Variants in EIF5A2 observed in about 807,000 individuals in gnomAD.
EIF5A2 encodes eukaryotic translation initiation factor 5A2.
A neutral mutation model predicts 16.4 loss-of-function variants in EIF5A2; 15 were observed. That is an observed-to-expected ratio of 0.92 (90% confidence interval 0.61 to 1.41). The LOEUF (loss-of-function observed/expected upper bound fraction) is 1.41. EIF5A2 is among the 40% of genes most tolerant of loss of function. The pLI, the probability that EIF5A2 is intolerant of heterozygous loss-of-function variation, is 0.00. For synonymous variants in EIF5A2, 48 were observed against 61.1 expected, an observed-to-expected ratio of 0.79 and a Z score of 1.00; for missense variants, 144 against 189.5, an observed-to-expected ratio of 0.76 and a Z score of 1.41.
chr3:170,893,821 T>A (rs546399253), intron 4 of EIF5A2, among the ~76,000 whole-genome samples: 2 of 152,264 alleles, frequency 1.3e-5, no homozygotes, highest in Admixed American at 6.5e-5. Flanking sequence ...TCACCTGAGG[T>A]CAGGAGTTCA....
chr3:170,906,352 T>C (rs368208171), intron 3 of EIF5A2, among the ~76,000 whole-genome samples: 10 of 152,156 alleles, frequency 6.6e-5, no homozygotes, highest in Admixed American at 6.5e-5. Context: ...CCTACCCAAA[T>C]GTATAACTGG....
Position 170,907,747 on chromosome 3 carries a change from C to CA in EIF5A2, c.59dup (p.Met20IlefsTer43). 1.9e-6 allele frequency: 3 copies of CA among 1,601,482 alleles called. No homozygotes were observed. Among genetic ancestry groups the CA allele is most frequent in the Non-Finnish European group, 2.6e-6 (3 of 1,170,172 alleles). ...CGTTTTTGCGCAAGGCCGAGCACTG[C>CA]ATAGGGTAAGTGCTGGAAGCCCCGG... On this transcript the variant is annotated frameshift_variant, in exon 2 of 5. Coordinates refer to ENST00000295822, the MANE Select transcript of EIF5A2 (RefSeq NM_020390.6). LOFTEE classifies it high-confidence loss of function.
In EIF5A2 at chr3:170,907,707, T is replaced by C. The variant is rs1397617500; in HGVS notation, c.100A>G (p.Lys34Glu). 3 of 1,611,478 alleles carry C rather than the reference T, an allele frequency of 1.9e-6. No homozygotes were observed. Among genetic ancestry groups the C allele is most frequent in the Non-Finnish European group, 2.5e-6 (3 of 1,177,868 alleles). The stretch of plus-strand genomic sequence containing the variant: ...TCCACTATTTTGCATGGTCGTCCTT[T>C]GAGCACCACGAAGCCGTTTTTGCGC... ...ALRKNGFVVL[K>E]GRPCKIVEMS... The change falls in exon 2 of 5, where the codon AAA becomes GAA. Residue 34 changes from lysine to glutamate, a missense_variant. Transcript: ENST00000295822.
At position 170,906,992 on chromosome 3, in the gene EIF5A2, A is replaced by G; in HGVS notation, c.267T>C (p.Tyr89=). ...MDVPNIKRND[Y]QLICIQDGYL... Reference sequence around the variant, plus strand: ...TCTAAAGAAAATCAGTGCTTACTTGATAATCATTTCTCTTAATATTTGGAA... The same window carrying G: ...TCTAAAGAAAATCAGTGCTTACTTGGTAATCATTTCTCTTAATATTTGGAA... Residue 89 remains tyrosine, a synonymous_variant, in exon 3 of 5, where the codon TAT becomes TAC. Coordinates refer to ENST00000295822, the MANE Select transcript of EIF5A2 (RefSeq NM_020390.6). 6.3e-7 allele frequency: 1 copy of G among 1,589,370 alleles called. No individual in the cohort carries two copies. The highest frequency in any genetic ancestry group is 8.6e-7 in the Non-Finnish European group (1 of 1,161,114).
chr3:170,905,277 C>T (rs568111933), intron 3 of EIF5A2, among the ~76,000 whole-genome samples: 12 of 152,226 alleles, frequency 7.9e-5, no homozygotes, highest in Admixed American at 7.8e-4. Context: ...AATTTTGTGC[C>T]TGAGGCAAGA....
chr3:170,907,405 T>C (rs779614680), intron 2 of EIF5A2, among the ~76,000 whole-genome samples: 3 of 152,186 alleles, frequency 2.0e-5, no homozygotes, highest in Non-Finnish European at 4.4e-5. Flanking sequence ...ATAGATCTTA[T>C]AGGTCACTAG....
intron 3 of EIF5A2, among the ~76,000 whole-genome samples, chr3:170,896,428 CAT>C (rs1206938168): frequency 6.6e-6 from 1 of 152,176 alleles, no homozygotes; most frequent in Non-Finnish European, 1.5e-5. Context: ...GTAATCCCCA[CAT>C]GTCGAGGGAG....
intron 3 of EIF5A2, among the ~76,000 whole-genome samples, chr3:170,905,760 C>T (rs986214120): frequency 2.0e-5 from 3 of 152,132 alleles, no homozygotes; most frequent in African/African-American, 7.2e-5. Flanking sequence ...TAATGGGGTA[C>T]ATTTTCTCAT....
At chr3:170,900,964 G>T (rs1018978606) in intron 3 of EIF5A2, among the ~76,000 whole-genome samples, 1 of 152,150 alleles carries the variant, frequency 6.6e-6, no homozygotes, top group African/African-American at 2.4e-5. Flanking sequence ...GAAACAATCA[G>T]ACTTATTTAT....
At chr3:170,895,334 G>C (rs1053523818) in intron 3 of EIF5A2, among the ~76,000 whole-genome samples, 13 of 151,040 alleles carry the variant, frequency 8.6e-5, no homozygotes, top group African/African-American at 3.2e-4. Context: ...GATAACATTA[G>C]TGAAAAAAAA....
intron 3 of EIF5A2, among the ~76,000 whole-genome samples, chr3:170,899,381 C>T (rs1274099783): frequency 6.6e-6 from 1 of 151,978 alleles, no homozygotes; most frequent in East Asian, 1.9e-4. Flanking sequence ...AGGCATACAA[C>T]CACTATGCCT....
At position 170,888,709 on chromosome 3, in the gene EIF5A2, G is replaced by A. The variant is rs1388449152; in HGVS notation, c.*4651C>T. ...GAAAAAAAAATGTATTACTAAAAAA[G>A]TGCCACTGAATTTAGACAATGCTAA... On this transcript the variant is annotated 3_prime_UTR_variant, in exon 5 of 5. Coordinates refer to ENST00000295822, the MANE Select transcript of EIF5A2 (RefSeq NM_020390.6). The A allele has an allele frequency of 6.6e-6, 1 of 152,538 alleles. No individual in the cohort carries two copies. The highest frequency in any genetic ancestry group is 1.9e-4 in the East Asian group (1 of 5,202). 9.4% of individuals were successfully genotyped at this position (152,538 alleles called of 1,614,324 possible). A position where few individuals can be genotyped will look rare whatever the true frequency, so the allele number is the denominator to read the frequency against.
chr3:170,906,081 A>G (rs972151222), intron 3 of EIF5A2, among the ~76,000 whole-genome samples: 1 of 152,240 alleles, frequency 6.6e-6, no homozygotes, highest in Non-Finnish European at 1.5e-5. Context: ...TAGCAACATT[A>G]AAAGAAATTT....
At chr3:170,893,469 G>C (rs746286765) in intron 4 of EIF5A2, 50 bp from the exon 5 acceptor site, 3 of 1,586,474 alleles carry the variant, frequency 1.9e-6, no homozygotes, top group Non-Finnish European at 2.6e-6. Context: ...AATACATATA[G>C]AAGATATAAT....
At chr3:170,897,075 A>G (rs1324689012) in intron 3 of EIF5A2, among the ~76,000 whole-genome samples, 1 of 152,230 alleles carries the variant, frequency 6.6e-6, no homozygotes, top group Non-Finnish European at 1.5e-5. Context: ...GTTACCTGGC[A>G]TAAGAAATTT....
chr3:170,906,028 G>A lies in EIF5A2; in HGVS notation c.270+961C>T, dbSNP rs998542053. Among the ~76,000 whole-genome samples, 3 of 152,256 alleles carry A rather than the reference G, an allele frequency of 2.0e-5. No individual in the cohort carries two copies. The East Asian group carries it at 5.8e-4, about 29-fold the overall frequency. Reference sequence around the variant, plus strand: ...AAACCACAAAAAAGTATGTTTGCATGTGGACAAACAGCAAAAGGAAATCAT... The same window carrying A: ...AAACCACAAAAAAGTATGTTTGCATATGGACAAACAGCAAAAGGAAATCAT... On this transcript the variant is annotated intron_variant, in intron 3 of 4. Transcript: ENST00000295822.
chr3:170,898,784 C>A (rs1712734987), intron 3 of EIF5A2, among the ~76,000 whole-genome samples: 1 of 152,012 alleles, frequency 6.6e-6, no homozygotes, highest in Admixed American at 6.5e-5. Flanking sequence ...TAGATACATC[C>A]ATTGTTCACA....
chr3:170,905,277 C>G (rs568111933), intron 3 of EIF5A2, among the ~76,000 whole-genome samples: 1 of 152,226 alleles, frequency 6.6e-6, no homozygotes, highest in South Asian at 2.1e-4. Flanking sequence ...AATTTTGTGC[C>G]TGAGGCAAGA....
chr3:170,905,902 C>T (rs1418083856), intron 3 of EIF5A2, among the ~76,000 whole-genome samples: 1 of 151,976 alleles, frequency 6.6e-6, no homozygotes, highest in African/African-American at 2.4e-5. Context: ...TAAAAAAACC[C>T]ACTTGCAAGA....
Sources: gnomAD v4.1 joint callset for allele counts (sites outside exome capture counted in the v4.1 genomes callset) on GRCh38, gnomAD v4.1.1 for gene constraint, MANE v1.5 for transcripts, NCBI Gene and HGNC (gene_info 2026-07-23, HGNC 2026-07-21) for gene names.